DMD: variants seen among roughly 807,000 people sequenced by gnomAD.
DMD encodes dystrophin.
Under a neutral mutation model 330.1 loss-of-function variants are expected in DMD, and 63 were observed. The observed-to-expected ratio is 0.19, with a 90% CI of 0.16 to 0.24. The LOEUF (loss-of-function observed/expected upper bound fraction) is 0.24. DMD is among the 10% of genes least tolerant of loss of function. The probability of loss-of-function intolerance (pLI) is 1.00; values close to 1 mark genes in which losing one functional copy is unlikely to be tolerated. For synonymous variants in DMD, 1,223 were observed against 959.8 expected, an observed-to-expected ratio of 1.27 and a Z score of -5.07; for missense variants, 3,344 against 2,684.1, an observed-to-expected ratio of 1.25 and a Z score of -5.43.
chrX:32,389,441 G>A, intron 32 of DMD, 60 bp downstream of exon 32: 1 of 1,095,121 alleles, frequency 9.1e-7, no homozygotes, highest in South Asian at 1.8e-5. Context: ...TAAAAGAGCA[G>A]TTACTTCTTA....
At chrX:32,997,585 T>C (rs1042314863) in intron 2 of DMD, among the ~76,000 whole-genome samples, 3 of 112,095 alleles carry the variant, frequency 2.7e-5, no homozygotes, top group Non-Finnish European at 3.8e-5. Flanking sequence ...TATTCCATTC[T>C]CTATGTTCAT....
intron 44 of DMD, among the ~76,000 whole-genome samples, chrX:32,006,747 TG>T (rs2095664215): frequency 9.1e-6 from 1 of 109,898 alleles, no homozygotes; most frequent in African/African-American, 3.3e-5. Flanking sequence ...GAATTTAGGG[TG>T]GGCTCTAAAT....
intron 51 of DMD, among the ~76,000 whole-genome samples, chrX:31,729,992 C>T (rs1435490289): frequency 8.9e-6 from 1 of 112,056 alleles, no homozygotes; most frequent in Non-Finnish European, 1.9e-5. Context: ...CAAATGGAGA[C>T]ATTCCGGAGT....
chrX:31,602,373 C>G (rs1372778102), intron 55 of DMD, among the ~76,000 whole-genome samples: 1 of 108,283 alleles, frequency 9.2e-6, no homozygotes, highest in Non-Finnish European at 1.9e-5. Flanking sequence ...ATCTGCTAGC[C>G]AAAACAGTCA....
intron 44 of DMD, among the ~76,000 whole-genome samples, chrX:32,103,244 C>T (rs1275365892): frequency 1.7e-4 from 19 of 111,696 alleles, no homozygotes; most frequent in African/African-American, 5.5e-4. Flanking sequence ...AATAATCATA[C>T]GCAGATATGA....
At position 31,556,284 on chromosome X, in the gene DMD, G is replaced by A. The variant is rs182069893; in HGVS notation, c.8218-48831C>T. ...CGGGAGGCTGAGGCAGGAGAATGGC[G>A]TGAACCCAGGAGGTGGAGCTTGCAG... is the stretch of plus-strand genomic sequence containing the variant. On this transcript the variant is annotated intron_variant, in intron 55 of 78. Transcript: ENST00000357033. 2.2e-4 allele frequency among the ~76,000 whole-genome samples: 23 copies of A among 104,605 alleles called. No homozygotes were observed. The East Asian group carries it at 6.3e-3, about 29-fold the overall frequency. The allele number at this position is 104,605 out of a possible 115,157, so 90.8% of individuals were successfully genotyped here. A position where few individuals can be genotyped will look rare whatever the true frequency, so the allele number is the denominator to read the frequency against.
chrX:33,124,724 C>T (rs777580343), intron 1 of DMD, among the ~76,000 whole-genome samples: 2 of 109,052 alleles, frequency 1.8e-5, no homozygotes, highest in Admixed American at 9.9e-5. Context: ...TCTAAAATTC[C>T]GTTAAGAATG....
At chrX:32,725,534 G>T (rs2066776988) in intron 7 of DMD, among the ~76,000 whole-genome samples, 1 of 110,217 alleles carries the variant, frequency 9.1e-6, no homozygotes, top group African/African-American at 3.3e-5. Flanking sequence ...AAAACAAAGA[G>T]TCAAAAAAGG....
intron 62 of DMD, among the ~76,000 whole-genome samples, chrX:31,284,763 G>A (rs763162256): frequency 2.6e-4 from 28 of 106,197 alleles, no homozygotes; most frequent in Non-Finnish European, 2.7e-4. Flanking sequence ...ATTAAATTTT[G>A]TTCTTCCTAC....
At chrX:32,978,963 A>G (rs2092629925) in intron 2 of DMD, among the ~76,000 whole-genome samples, 1 of 112,171 alleles carries the variant, frequency 8.9e-6, no homozygotes, top group Admixed American at 9.5e-5. Context: ...TAGGTGTACT[A>G]GTTGACTCCA....
At chrX:32,203,836 C>G (rs777768863) in intron 44 of DMD, among the ~76,000 whole-genome samples, 1 of 111,895 alleles carries the variant, frequency 8.9e-6, no homozygotes, top group Non-Finnish European at 1.9e-5. Context: ...TATGTTATGA[C>G]TACTGTTATT....
At chrX:33,036,914 CGA>C (rs1020759619) in intron 1 of DMD, among the ~76,000 whole-genome samples, 1 of 110,007 alleles carries the variant, frequency 9.1e-6, no homozygotes, top group African/African-American at 3.3e-5. Context: ...CCTTCAACTG[CGA>C]GATATAAATA....
intron 57 of DMD, among the ~76,000 whole-genome samples, chrX:31,479,930 G>A (rs758814532): frequency 2.8e-4 from 31 of 111,968 alleles, no homozygotes; most frequent in Non-Finnish European, 4.0e-4. Context: ...GAGGTATACC[G>A]TGAGCCTAGA....
At chrX:31,863,034 C>T (rs2093734430) in intron 48 of DMD, among the ~76,000 whole-genome samples, 1 of 112,813 alleles carries the variant, frequency 8.9e-6, no homozygotes, top group African/African-American at 3.2e-5. Context: ...CTGCCCGCAC[C>T]CAGGCGCTCA....
At chrX:32,664,455 A>G (rs1215702235) in intron 9 of DMD, among the ~76,000 whole-genome samples, 1 of 109,565 alleles carries the variant, frequency 9.1e-6, no homozygotes, top group Non-Finnish European at 1.9e-5. Context: ...GTTAGCCAGG[A>G]TGGTCTCGAT....
At chrX:31,811,512 T>C (rs931292196) in intron 50 of DMD, among the ~76,000 whole-genome samples, 1 of 112,269 alleles carries the variant, frequency 8.9e-6, no homozygotes, top group Non-Finnish European at 1.9e-5. Context: ...AATTAATTAA[T>C]GTCAAGAGTT....
At chrX:32,469,283 A>T (rs1391762285) in intron 22 of DMD, among the ~76,000 whole-genome samples, 1 of 110,726 alleles carries the variant, frequency 9.0e-6, no homozygotes, top group Non-Finnish European at 1.9e-5. Flanking sequence ...AATTTCTTAC[A>T]GTAGGATCAT....
At chrX:32,762,201 G>A (rs1241442734) in intron 7 of DMD, among the ~76,000 whole-genome samples, 2 of 109,203 alleles carry the variant, frequency 1.8e-5, no homozygotes, top group Non-Finnish European at 3.8e-5. Context: ...AAAAAACCCT[G>A]AGTCCTGACT....
intron 63 of DMD, among the ~76,000 whole-genome samples, chrX:31,248,461 C>A (rs1317495658): frequency 1.8e-5 from 2 of 112,228 alleles, no homozygotes; most frequent in South Asian, 3.7e-4. Flanking sequence ...CCTTTAAGAT[C>A]AGTTTCCTTT....
Sources: allele counts gnomAD v4.1 joint callset (sites outside exome capture counted in the v4.1 genomes callset), GRCh38; gene constraint gnomAD v4.1.1; transcripts MANE v1.5; gene names NCBI Gene and HGNC (gene_info 2026-07-23, HGNC 2026-07-21).